The following NAV1 variants were observed in gnomAD, a reference collection of about 807,000 sequenced individuals.
NAV1 encodes neuron navigator 1.
A neutral mutation model predicts 175.2 loss-of-function variants in NAV1; 18 were observed. The ratio of observed to expected loss-of-function variants is 0.10; its 90% CI spans 0.07 to 0.15. The LOEUF is 0.15. Among genes scored for constraint, NAV1 ranks in the 10% least tolerant of loss-of-function variants. The pLI is 1.00. For synonymous variants in NAV1, 897 were observed against 978.7 expected, an observed-to-expected ratio of 0.92 and a Z score of 1.56; for missense variants, 1,731 against 2,436.6, an observed-to-expected ratio of 0.71 and a Z score of 6.10.
chr1:201,738,445 C>T (rs575319697), intron 3 of NAV1, among the ~76,000 whole-genome samples: 5 of 152,040 alleles, frequency 3.3e-5, no homozygotes, highest in Non-Finnish European at 5.9e-5. Flanking sequence ...AGCTGCAGCC[C>T]CAGGTCAGTG....
Position 201,648,793 on chromosome 1 carries a change from TGCTGCCCAAGCGC to T in NAV1, c.128_140del (p.Leu43ProfsTer18). 2.0e-6 allele frequency: 3 copies of T among 1,523,804 alleles called. No homozygotes were observed. Among genetic ancestry groups the T allele is most frequent in the Non-Finnish European group, 2.6e-6 (3 of 1,140,302 alleles). The allele number at this position is 1,523,804 out of a possible 1,614,324, so 94.4% of individuals were successfully genotyped here. ...GCGGCAGCGGCGGACGGCAGAGGCA[TGCTGCCCAAGCGC>T]GCCAAGGCGCCCGGCGGCGGCGGCG... On this transcript the variant is annotated frameshift_variant, in exon 1 of 30. Coordinates refer to ENST00000367296, the Ensembl canonical transcript of NAV1. LOFTEE classifies it high-confidence loss of function.
intron 1 of NAV1, among the ~76,000 whole-genome samples, chr1:201,574,519 G>A (rs927535708): frequency 6.6e-5 from 10 of 152,150 alleles, no homozygotes; most frequent in Non-Finnish European, 1.2e-4. Flanking sequence ...TTTCCTGTGA[G>A]CAAGCAAAGG....
upstream of NAV1, among the ~76,000 whole-genome samples, chr1:201,647,959 G>C (rs534558169): frequency 6.7e-6 from 1 of 149,562 alleles, no homozygotes; most frequent in East Asian, 2.0e-4. Flanking sequence ...AACCCGCCCC[G>C]CTTCTACGCG....
chr1:201,543,629 G>A (rs879510778), intron 1 of NAV1, among the ~76,000 whole-genome samples: 2 of 151,726 alleles, frequency 1.3e-5, no homozygotes, highest in Non-Finnish European at 2.9e-5. Flanking sequence ...ATTATAATTA[G>A]TGTACTTTAA....
At chr1:201,643,000 T>G (rs1668848803) in intron 2 of NAV1, among the ~76,000 whole-genome samples, 2 of 150,994 alleles carry the variant, frequency 1.3e-5, no homozygotes, top group African/African-American at 4.9e-5. Flanking sequence ...GGTCTCAATC[T>G]CCTGACCTCG....
chr1:201,661,389 G>A (rs724221), intron 1 of NAV1, among the ~76,000 whole-genome samples: 75,659 of 152,008 alleles, frequency 0.5, 19,500 homozygotes, highest in African/African-American at 0.61. Context: ...ATACAGTATC[G>A]TGGCTAGTGC....
intron 3 of NAV1, among the ~76,000 whole-genome samples, chr1:201,762,032 C>T (rs988421851): frequency 2.6e-5 from 4 of 152,076 alleles, no homozygotes; most frequent in Admixed American, 1.3e-4. Context: ...TGGTGGCACC[C>T]GCATGTAGTC....
At chr1:201,691,802 A>T (rs1402711468) in intron 1 of NAV1, among the ~76,000 whole-genome samples, 1 of 152,248 alleles carries the variant, frequency 6.6e-6, no homozygotes, top group Non-Finnish European at 1.5e-5. Context: ...CGTCCTGATA[A>T]ACATGGCCAT....
chr1:201,811,723 G>A, exon 25 of NAV1: 1 of 1,610,518 alleles, frequency 6.2e-7, no homozygotes, highest in Non-Finnish European at 8.5e-7. Context: ...CAGTGAGTTG[G>A]TCAATGGGGC....
intron 2 of NAV1, among the ~76,000 whole-genome samples, chr1:201,592,600 T>C (rs1667232965): frequency 6.6e-6 from 1 of 152,026 alleles, no homozygotes; most frequent in Non-Finnish European, 1.5e-5. Flanking sequence ...GGGTCATTAA[T>C]TGAAGAATGG....
chr1:201,604,990 A>G lies in NAV1; in HGVS notation c.-33+16341A>G, dbSNP rs1667634679. ...CTTCTTTTTGTCTAAATATTTATTC[A>G]TCCTGCTACAATGTAAACACAGCTA... On this transcript the variant is annotated intron_variant, in intron 2 of 33. Transcript: ENST00000685211. Among the ~76,000 whole-genome samples the G allele has an allele frequency of 2.0e-5, 3 of 152,168 alleles. No homozygotes were observed. The South Asian group carries it at 6.2e-4, about 32-fold the overall frequency.
chr1:201,555,339 T>G (rs1447566456), intron 1 of NAV1, among the ~76,000 whole-genome samples: 10 of 152,220 alleles, frequency 6.6e-5, no homozygotes, highest in Admixed American at 5.9e-4. Flanking sequence ...TTTAACATTC[T>G]ATGTGACCTC....
intron 3 of NAV1, among the ~76,000 whole-genome samples, chr1:201,767,635 C>T (rs1675299821): frequency 6.6e-6 from 1 of 152,168 alleles, no homozygotes; most frequent in African/African-American, 2.4e-5. Flanking sequence ...TCAATTGGGA[C>T]TAGCCACATT....
rs1674005548 is a variant in NAV1 at position 201,750,023 on chromosome 1, T to C, written c.1227-30398T>C. On this transcript the variant is annotated intron_variant, in intron 3 of 29. Coordinates refer to ENST00000367296, the Ensembl canonical transcript of NAV1. The surrounding 1 kb of genome is among the most constrained non-coding windows in gnomAD (Gnocchi z 4.1). ...TTGCTTTCAGATTGCTTTATGTTGTTAAAATTTTGCTCCACCTTAAAGAAA... is the reference window on the plus strand; with the variant it reads ...TTGCTTTCAGATTGCTTTATGTTGTCAAAATTTTGCTCCACCTTAAAGAAA... Among the ~76,000 whole-genome samples, 1 of 152,232 alleles carries C rather than the reference T, an allele frequency of 6.6e-6. No individual in the cohort carries two copies. The highest frequency in any genetic ancestry group is 1.5e-5 in the Non-Finnish European group (1 of 68,046).
chr1:201,669,095 G>A (rs1669941432), intron 1 of NAV1, among the ~76,000 whole-genome samples: 2 of 152,186 alleles, frequency 1.3e-5, no homozygotes, highest in Non-Finnish European at 2.9e-5. Flanking sequence ...GCAACAAATG[G>A]CATGGGGATC....
intron 1 of NAV1, among the ~76,000 whole-genome samples, chr1:201,667,595 C>T (rs892429624): frequency 6.6e-6 from 1 of 152,118 alleles, no homozygotes; most frequent in Non-Finnish European, 1.5e-5. Flanking sequence ...ACAGTGGACC[C>T]GGGGAGGAGG....
chr1:201,802,473 A>AAAAG lies in NAV1; in HGVS notation c.3518-1108_3518-1105dup, dbSNP rs1553278351. Among the ~76,000 whole-genome samples, 238 of 113,090 alleles carry AAAAG rather than the reference A, an allele frequency of 2.1e-3. 16 individuals carry two copies. The highest frequency in any genetic ancestry group is 8.7e-3 in the Middle Eastern group (2 of 230). The allele number at this position is 113,090 out of a possible 152,430, so 74.2% of individuals were successfully genotyped here. A position where few individuals can be genotyped will look rare whatever the true frequency, so the allele number is the denominator to read the frequency against. On this transcript the variant is annotated intron_variant, in intron 15 of 29. Coordinates refer to ENST00000367296, the Ensembl canonical transcript of NAV1. ...CTGTCTCATTAAAAAAAAAAAAAAA[A>AAAAG]AAAGAAAGAAAGAAAAGAAAAAGGA...
chr1:201,813,167 T>C lies in NAV1; in HGVS notation c.5249T>C (p.Ile1750Thr). The change falls in exon 28 of 30, where the codon ATT becomes ACT. Residue 1750 changes from isoleucine to threonine, a missense_variant. Physicochemically the swap from Ile to Thr is moderately conservative, Grantham distance 89. Around this residue, in one of 13 missense-constraint regions of NAV1, gnomAD observed 30 missense variants for 97.3 expected, o/e 0.31. Coordinates refer to ENST00000367296, the Ensembl canonical transcript of NAV1. The surrounding 1 kb of genome is among the most constrained non-coding windows in gnomAD (Gnocchi z 4.2). ...CCTTGCTTCTTTCTGTCGTGTCCCA[T>C]TGGCATTGAGGACTTCCGGACCTGG... The C allele has an allele frequency of 4.3e-6, 7 of 1,614,096 alleles. No homozygotes were observed. The highest frequency in any genetic ancestry group is 5.9e-6 in the Non-Finnish European group (7 of 1,179,978).
chr1:201,638,485 G>T (rs1668667568), intron 2 of NAV1, among the ~76,000 whole-genome samples: 1 of 152,192 alleles, frequency 6.6e-6, no homozygotes, highest in Admixed American at 6.5e-5. Context: ...AGGAGAGTCA[G>T]GGCCCTCCTT....
Sources: allele counts gnomAD v4.1 joint callset (sites outside exome capture counted in the v4.1 genomes callset), GRCh38; gene constraint gnomAD v4.1.1; regional missense constraint gnomAD v4.1.1; non-coding constraint Gnocchi (gnomAD v3.1); transcripts MANE v1.5; gene names NCBI Gene and HGNC (gene_info 2026-07-23, HGNC 2026-07-21).